TNIP3: variants seen among roughly 807,000 people sequenced by gnomAD.
The protein encoded by TNIP3 is TNFAIP3 interacting protein 3, also known as TNFAIP3-interacting protein 3.
In TNIP3, 34 loss-of-function variants were observed where a neutral mutation model predicts 54.1. The observed-to-expected ratio is 0.63, with a 90% CI of 0.48 to 0.84. The LOEUF (loss-of-function observed/expected upper bound fraction) is 0.84. Ranked by LOEUF, TNIP3 falls within the 40% of genes least tolerant of loss-of-function variation. TNIP3 has a pLI of 0.00. For synonymous variants in TNIP3, 134 were observed against 136.8 expected, an observed-to-expected ratio of 0.98 and a Z score of 0.14; for missense variants, 366 against 387.6, an observed-to-expected ratio of 0.94 and a Z score of 0.47.
At chr4:121,193,397 C>T (rs558616373) in intron 2 of TNIP3, among the ~76,000 whole-genome samples, 18 of 152,158 alleles carry the variant, frequency 1.2e-4, no homozygotes, top group Middle Eastern at 6.8e-3. Flanking sequence ...AATAAGAATA[C>T]ATTAGAATTC....
intron 2 of TNIP3, among the ~76,000 whole-genome samples, chr4:121,214,508 G>T (rs778698872): frequency 1.3e-5 from 2 of 152,196 alleles, no homozygotes; most frequent in African/African-American, 2.4e-5. Flanking sequence ...AATTCTCCAT[G>T]TAGAAGGAAA....
intron 3 of TNIP3, among the ~76,000 whole-genome samples, chr4:121,179,166 G>A (rs547629289): frequency 6.6e-6 from 1 of 152,288 alleles, no homozygotes; most frequent in Admixed American, 6.5e-5. Context: ...GTTTGTTAAA[G>A]GCTTATGGGT....
chr4:121,209,823 T>C (rs1726384298), intron 2 of TNIP3, among the ~76,000 whole-genome samples: 2 of 152,214 alleles, frequency 1.3e-5, no homozygotes, highest in African/African-American at 2.4e-5. Context: ...CAAATATTTA[T>C]TGAAGTTTGC....
At chr4:121,146,122 C>T (rs2148801528) in intron 7 of TNIP3, among the ~76,000 whole-genome samples, 1 of 151,678 alleles carries the variant, frequency 6.6e-6, no homozygotes, top group East Asian at 1.9e-4. Flanking sequence ...TGATTTTTTA[C>T]TACTATTTTA....
chr4:121,153,840 T>G (rs1342823589), intron 5 of TNIP3, among the ~76,000 whole-genome samples: 1 of 152,220 alleles, frequency 6.6e-6, no homozygotes, highest in Non-Finnish European at 1.5e-5. Context: ...TCATGAAATA[T>G]CTAGTTGAGA....
chr4:121,212,255 T>C (rs1231431088), intron 2 of TNIP3, among the ~76,000 whole-genome samples: 1 of 152,216 alleles, frequency 6.6e-6, no homozygotes, highest in African/African-American at 2.4e-5. Flanking sequence ...GTTGTTTGCA[T>C]GGAAGAGGCT....
chr4:121,151,952 C>G (rs901823443), intron 5 of TNIP3, among the ~76,000 whole-genome samples: 1 of 152,142 alleles, frequency 6.6e-6, no homozygotes, highest in Non-Finnish European at 1.5e-5. Flanking sequence ...GTGGCACGAG[C>G]TGAGTAGCCT....
chr4:121,161,269 CA>C, intron 1 of TNIP3, 53 bp from the exon 2 acceptor site: 1 of 1,463,468 alleles, frequency 6.8e-7, no homozygotes, highest in East Asian at 2.4e-5. Context: ...ACAAAATAAA[CA>C]GAAGTACTGT....
intron 1 of TNIP3, chr4:121,216,579 A>G: frequency 6.6e-7 from 1 of 1,515,036 alleles, no homozygotes; most frequent in South Asian, 1.2e-5. Flanking sequence ...CCAAAGGAGA[A>G]AACCACCTGT....
intron 2 of TNIP3, among the ~76,000 whole-genome samples, chr4:121,211,065 A>G (rs1042124436): frequency 2.6e-5 from 4 of 152,224 alleles, no homozygotes; most frequent in Non-Finnish European, 4.4e-5. Context: ...AGGAACTTAC[A>G]TGGTTAGAAC....
chr4:121,198,880 G>A (rs1480181066), intron 2 of TNIP3, among the ~76,000 whole-genome samples: 1 of 152,178 alleles, frequency 6.6e-6, no homozygotes, highest in African/African-American at 2.4e-5. Context: ...ATATAGCTCT[G>A]AGGTATTTAA....
intron 2 of TNIP3, among the ~76,000 whole-genome samples, chr4:121,207,735 C>T (rs1297217403): frequency 6.6e-6 from 1 of 152,168 alleles, no homozygotes; most frequent in African/African-American, 2.4e-5. Flanking sequence ...TTTCTTCTAA[C>T]CTCCAAGCTG....
chr4:121,171,552 T>C (rs534368435), intron 3 of TNIP3, among the ~76,000 whole-genome samples: 10 of 152,266 alleles, frequency 6.6e-5, no homozygotes, highest in Admixed American at 3.3e-4. Flanking sequence ...GAATAACCAA[T>C]AAAACAAATT....
At chr4:121,165,886 A>G (rs556545359), upstream of TNIP3, among the ~76,000 whole-genome samples, 46 of 152,346 alleles carry the variant, frequency 3.0e-4, no homozygotes, top group African/African-American at 9.1e-4. Context: ...CTGACACTTT[A>G]TCAACACTAA....
intron 2 of TNIP3, among the ~76,000 whole-genome samples, chr4:121,203,654 C>T (rs1726023210): frequency 6.6e-6 from 1 of 152,042 alleles, no homozygotes; most frequent in African/African-American, 2.4e-5. Context: ...TGATATAATA[C>T]ATAAACTTAT....
intron 2 of TNIP3, chr4:121,182,904 T>C (rs1370163143): frequency 8.2e-6 from 9 of 1,092,486 alleles, no homozygotes; most frequent in Non-Finnish European, 1.2e-5. Context: ...TGTATGATAC[T>C]TCTCTACGAT....
intron 8 of TNIP3, 57 bp downstream of exon 8, chr4:121,142,669 C>A: frequency 6.8e-7 from 1 of 1,479,830 alleles, no homozygotes; most frequent in Admixed American, 1.7e-5. Context: ...TTAATTGGGA[C>A]AATGAGAAAT....
At chr4:121,215,607 C>T (rs1276418021) in intron 2 of TNIP3, among the ~76,000 whole-genome samples, 1 of 152,042 alleles carries the variant, frequency 6.6e-6, no homozygotes, top group Non-Finnish European at 1.5e-5. Flanking sequence ...TCTATTTTTC[C>T]ATCTTTCTCC....
intron 2 of TNIP3, among the ~76,000 whole-genome samples, chr4:121,189,337 T>C (rs1725182074): frequency 6.6e-6 from 1 of 152,132 alleles, no homozygotes; most frequent in South Asian, 2.1e-4. Context: ...TCTTCAAATA[T>C]GAGAAAAGGA....
Sources: gnomAD v4.1 joint callset for allele counts (sites outside exome capture counted in the v4.1 genomes callset) on GRCh38, gnomAD v4.1.1 for gene constraint, MANE v1.5 for transcripts, NCBI Gene and HGNC (gene_info 2026-07-23, HGNC 2026-07-21) for gene names.